TUBB4B: variants seen among roughly 807,000 people sequenced by gnomAD.
TUBB4B encodes the protein tubulin beta-4B chain.
In TUBB4B, 7 loss-of-function variants were observed where a neutral mutation model predicts 34.3. The ratio of observed to expected loss-of-function variants is 0.20; its 90% confidence interval spans 0.12 to 0.38. The LOEUF (loss-of-function observed/expected upper bound fraction) is 0.38, where lower values mean the gene tolerates loss of function less well. Among genes scored for constraint, TUBB4B ranks in the 10% least tolerant of loss-of-function variants. TUBB4B has a pLI of 1.00. For synonymous variants in TUBB4B, 390 were observed against 250.2 expected, an observed-to-expected ratio of 1.56 and a Z score of -5.27; for missense variants, 178 against 610.9, an observed-to-expected ratio of 0.29 and a Z score of 7.47.
chr9:137,242,183 C>G lies in TUBB4B; in HGVS notation c.277+162C>G. 3 of 758,934 alleles carry G rather than the reference C, an allele frequency of 4.0e-6. No homozygotes were observed. In the South Asian group the frequency reaches 5.6e-5, roughly 14 times the overall value. The allele number at this position is 758,934 out of a possible 1,614,324, so 47.0% of individuals were successfully genotyped here. On this transcript the variant is annotated intron_variant, in intron 3 of 3. Coordinates refer to ENST00000340384, the MANE Select transcript of TUBB4B (RefSeq NM_006088.6). Reference sequence around the variant, plus strand: ...GGCTTTGGGAGCAAGGTCCAGCTGTCTGCCGAGGCGAGGAGCCGCCACACA... The same window carrying G: ...GGCTTTGGGAGCAAGGTCCAGCTGTGTGCCGAGGCGAGGAGCCGCCACACA...
rs1261236441 is a variant in TUBB4B, at chr9:137,241,341, C to A, written c.-20C>A. 1.3e-6 allele frequency: 2 copies of A among 1,494,484 alleles called. No individual in the cohort carries two copies. Among genetic ancestry groups the A allele is most frequent in the Admixed American group, 1.8e-5 (1 of 54,820 alleles). 92.6% of individuals were successfully genotyped at this position (1,494,484 alleles called of 1,614,324 possible). ...TGTTTGTCTACTTCCTCCTGCTTCC[C>A]CGCCGCCGCCGCCGCCATCATGAGG... On this transcript the variant is annotated 5_prime_UTR_variant, in exon 1 of 4. Transcript: ENST00000340384.
At chr9:137,241,453 C>T (rs775141984) in intron 1 of TUBB4B, 36 bp downstream of exon 1, 9 of 1,525,114 alleles carry the variant, frequency 5.9e-6, no homozygotes, top group East Asian at 2.7e-5. Flanking sequence ...GGCGGGCCTG[C>T]CGGGCGGTGT....
At position 137,241,336 on chromosome 9, in the gene TUBB4B, C is replaced by CT; in HGVS notation, c.-23dup. ...GCTGCTGTTTGTCTACTTCCTCCTG[C>CT]TTCCCCGCCGCCGCCGCCGCCATCA... On this transcript the variant is annotated 5_prime_UTR_variant, in exon 1 of 4. Transcript: ENST00000340384. 2 of 1,593,876 alleles carry CT rather than the reference C, an allele frequency of 1.3e-6. No individual in the cohort carries two copies. The highest frequency in any genetic ancestry group is 1.4e-5 in the African/African-American group (1 of 74,018).
rs761729901 is a variant in TUBB4B, at chr9:137,241,780, C to T, written c.117C>T (p.Asp39=). The T allele has an allele frequency of 1.7e-5, 27 of 1,612,226 alleles. No homozygotes were observed. Among genetic ancestry groups the T allele is most frequent in the Admixed American group, 1.0e-4 (6 of 59,978 alleles). ...ACCCCACGGGCACCTACCACGGGGA[C>T]AGCGACCTGCAGCTGGAACGCATCA... ...GIDPTGTYHG[D]SDLQLERINV... is the part of the protein sequence containing the mutation. The change falls in exon 2 of 4, where the codon GAC becomes GAT. Residue 39 remains aspartate, a synonymous_variant. Transcript: ENST00000340384.
intron 1 of TUBB4B, 63 bp from the exon 2 acceptor site, chr9:137,241,658 C>T (rs1276161880): frequency 1.5e-6 from 2 of 1,373,340 alleles, no homozygotes; most frequent in Non-Finnish European, 1.9e-6. Context: ...GGGGCTGCCT[C>T]CCTGCGCACC....
intron 2 of TUBB4B, 30 bp downstream of exon 2, chr9:137,241,859 C>T (rs777616976): frequency 1.3e-5 from 21 of 1,611,606 alleles, no homozygotes; most frequent in East Asian, 4.5e-5. Context: ...CCCGACCGCC[C>T]TCCGGGGACC....
chr9:137,242,199 C>A, intron 3 of TUBB4B, 178 bp downstream of exon 3: 2 of 692,962 alleles, frequency 2.9e-6, no homozygotes, highest in South Asian at 1.9e-5. Context: ...AGGCGAGGAG[C>A]CGCCACACAC....
chr9:137,241,673 G>C, intron 1 of TUBB4B, 48 bp from the exon 2 acceptor site: 1 of 1,501,968 alleles, frequency 6.7e-7, no homozygotes, highest in Non-Finnish European at 9.0e-7. Flanking sequence ...CGCACCGGCC[G>C]CGGTGACTCA....
Position 137,241,342 on chromosome 9 carries a change from CG to C in TUBB4B, c.-18del. The C allele has an allele frequency of 1.3e-6, 2 of 1,508,272 alleles. No homozygotes were observed. The highest frequency in any genetic ancestry group is 2.6e-5 in the East Asian group (1 of 38,402). 93.4% of individuals were successfully genotyped at this position (1,508,272 alleles called of 1,614,324 possible). ...GTTTGTCTACTTCCTCCTGCTTCCC[CG>C]CCGCCGCCGCCGCCATCATGAGGGA... On this transcript the variant is annotated 5_prime_UTR_variant, in exon 1 of 4. Coordinates refer to ENST00000340384, the MANE Select transcript of TUBB4B (RefSeq NM_006088.6).
rs985736906 is a variant in TUBB4B at position 137,241,289 on chromosome 9, C to T, written c.-72C>T. On this transcript the variant is annotated 5_prime_UTR_variant, in exon 1 of 4. Coordinates refer to ENST00000340384, the MANE Select transcript of TUBB4B (RefSeq NM_006088.6). ...AGCGTTGGCGGAGCGTCGGTTGTAG[C>T]ACTCTGCGCGCCCGCTCTTCTGCTG... 2.7e-5 allele frequency: 41 copies of T among 1,539,876 alleles called. No homozygotes were observed. The highest frequency in any genetic ancestry group is 1.7e-4 in the Middle Eastern group (1 of 5,948).
At position 137,241,303 on chromosome 9, in the gene TUBB4B, G is replaced by T; in HGVS notation, c.-58G>T. The stretch of plus-strand genomic sequence containing the variant: ...GTCGGTTGTAGCACTCTGCGCGCCC[G>T]CTCTTCTGCTGCTGTTTGTCTACTT... On this transcript the variant is annotated 5_prime_UTR_variant, in exon 1 of 4. Transcript: ENST00000340384. 1 of 1,554,426 alleles carries T rather than the reference G, an allele frequency of 6.4e-7. No homozygotes were observed. The highest frequency in any genetic ancestry group is 8.7e-7 in the Non-Finnish European group (1 of 1,151,840).
At position 137,241,487 on chromosome 9, in the gene TUBB4B, C is replaced by A. The variant is rs960695389; in HGVS notation, c.57+70C>A. On this transcript the variant is annotated intron_variant, in intron 1 of 3. Transcript: ENST00000340384. ...GTGGGCGGGCGGCCGGGGAAGATGG[C>A]GGCAGCAGCGGCCGGGCGGCGCCCC... The A allele has an allele frequency of 3.3e-6, 4 of 1,207,300 alleles. No individual in the cohort carries two copies. The African/African-American group carries it at 4.8e-5, about 14-fold the overall frequency. 74.8% of individuals were successfully genotyped at this position (1,207,300 alleles called of 1,614,324 possible).
chr9:137,241,540 C>T (rs906078955), intron 1 of TUBB4B, 123 bp downstream of exon 1: 18 of 947,158 alleles, frequency 1.9e-5, no homozygotes, highest in Non-Finnish European at 2.3e-5. Flanking sequence ...GCCCCCTCCG[C>T]GGGGAATTGG....
In TUBB4B at chr9:137,242,491, C is replaced by T. The variant is rs909631189; in HGVS notation, c.278-5C>T. Reference sequence around the variant, plus strand: ...TGACAAATGATTAGCTGTGTTCTCTCACAGGTCAGAGTGGTGCTGGGAACA... The same window carrying T: ...TGACAAATGATTAGCTGTGTTCTCTTACAGGTCAGAGTGGTGCTGGGAACA... On this transcript the variant is annotated splice_region_variant and splice_polypyrimidine_tract_variant and intron_variant, in intron 3 of 3. Transcript: ENST00000340384. 29 of 1,610,922 alleles carry T rather than the reference C, an allele frequency of 1.8e-5. No individual in the cohort carries two copies. Among genetic ancestry groups the T allele is most frequent in the African/African-American group, 1.5e-4 (11 of 75,006 alleles).
In TUBB4B at chr9:137,243,643, A is replaced by C. The variant is rs201661867; in HGVS notation, c.*87A>C. The C allele has an allele frequency of 1.2e-6, 2 of 1,613,986 alleles. No homozygotes were observed. Among genetic ancestry groups the C allele is most frequent in the East Asian group, 4.5e-5 (2 of 44,890 alleles). On this transcript the variant is annotated 3_prime_UTR_variant, in exon 4 of 4. Coordinates refer to ENST00000340384, the MANE Select transcript of TUBB4B (RefSeq NM_006088.6). Reference sequence around the variant, plus strand: ...TCCTGTGGCCTGTCCCACTGTGTGCACTTGCTGTTTTCCCTGTCCACATCC... The same window carrying C: ...TCCTGTGGCCTGTCCCACTGTGTGCCCTTGCTGTTTTCCCTGTCCACATCC...
chr9:137,241,572 C>T (rs1468739726), intron 1 of TUBB4B, 149 bp from the exon 2 acceptor site: 4 of 818,512 alleles, frequency 4.9e-6, no homozygotes, highest in African/African-American at 1.9e-5. Flanking sequence ...GACCGAAGCC[C>T]CCAGGAACCC....
chr9:137,242,208 A>G (rs1836763749), intron 3 of TUBB4B, 187 bp downstream of exon 3: 1 of 676,710 alleles, frequency 1.5e-6, no homozygotes, highest in Non-Finnish European at 2.5e-6. Flanking sequence ...GCCGCCACAC[A>G]CGTAATCTCC....
rs1196546048 is a variant in TUBB4B, at chr9:137,243,684, C to T, written c.*128C>T. The stretch of plus-strand genomic sequence containing the variant: ...GTCCACATCCATGCTGTACAGACAC[C>T]ACCATTAAAGCATTTTCATAGTGTG... On this transcript the variant is annotated 3_prime_UTR_variant, in exon 4 of 4. Coordinates refer to ENST00000340384, the MANE Select transcript of TUBB4B (RefSeq NM_006088.6). 2 of 1,614,098 alleles carry T rather than the reference C, an allele frequency of 1.2e-6. No individual in the cohort carries two copies. The highest frequency in any genetic ancestry group is 1.7e-5 in the Admixed American group (1 of 60,024).
At position 137,243,043 on chromosome 9, in the gene TUBB4B, C is replaced by T; in HGVS notation, c.825C>T (p.Ser275=). 1 of 1,612,892 alleles carries T rather than the reference C, an allele frequency of 6.2e-7. No individual in the cohort carries two copies. Residue 275 remains serine (S), a synonymous_variant, in exon 4 of 4, where the codon AGC becomes AGT. Coordinates refer to ENST00000340384, the MANE Select transcript of TUBB4B (RefSeq NM_006088.6). ...TGCCCGGCTTTGCCCCACTGACCAGCCGGGGCAGCCAGCAGTACCGGGCGC... is the reference window on the plus strand; with the variant it reads ...TGCCCGGCTTTGCCCCACTGACCAGTCGGGGCAGCCAGCAGTACCGGGCGC... ...FFMPGFAPLT[S]RGSQQYRALT...
Sources: gnomAD v4.1 joint callset for allele counts on GRCh38, gnomAD v4.1.1 for gene constraint, MANE v1.5 for transcripts, NCBI Gene and HGNC (gene_info 2026-07-23, HGNC 2026-07-21) for gene names.